CPAMD8: variants seen among roughly 807,000 people sequenced by gnomAD.
The protein encoded by CPAMD8 is C3 and PZP-like alpha-2-macroglobulin domain-containing protein 8.
A neutral mutation model predicts 224.7 loss-of-function variants in CPAMD8; 146 were observed. The ratio of observed to expected loss-of-function variants is 0.65; its 90% CI spans 0.57 to 0.75. CPAMD8 has a LOEUF of 0.75. CPAMD8 is among the 30% of genes least tolerant of loss of function. The pLI is 0.00. For missense variants in CPAMD8, 2,301 were observed against 2,537.5 expected, an observed-to-expected ratio of 0.91 and a Z score of 2.00; for synonymous variants, 966 against 1,044.6, an observed-to-expected ratio of 0.92 and a Z score of 1.45.
chr19:16,947,016 C>T (rs2054124322), intron 21 of CPAMD8, 58 bp downstream of exon 21: 2 of 1,528,394 alleles, frequency 1.3e-6, no homozygotes, highest in Admixed American at 2.0e-5. Context: ...CGGGTCAATG[C>T]CAGGACACTT....
At chr19:17,019,383 A>T (rs888728932) in intron 3 of CPAMD8, among the ~76,000 whole-genome samples, 14 of 152,164 alleles carry the variant, frequency 9.2e-5, no homozygotes, top group Non-Finnish European at 1.9e-4. Flanking sequence ...TCGGCCTCCC[A>T]GAGTGCTAGG....
chr19:17,013,720 A>T (rs2056728302), intron 3 of CPAMD8, among the ~76,000 whole-genome samples: 1 of 151,478 alleles, frequency 6.6e-6, no homozygotes, highest in Non-Finnish European at 1.5e-5. Context: ...CTGGAACTAG[A>T]TGGGGGGGCA....
At position 16,897,786 on chromosome 19, in the gene CPAMD8, C is replaced by T. The variant is rs1421314484; in HGVS notation, c.4970G>A (p.Arg1657His). Residue 1657 changes from arginine to histidine, a missense_variant, in exon 39 of 42, where the codon CGC becomes CAC. Coordinates refer to ENST00000443236, the MANE Select transcript of CPAMD8 (RefSeq NM_015692.5). ...GCTGTGGGTGCTGACGTTGTAGAAG[C>T]GAGTGGCCTCGAAGGCTACGGGACG... Reference protein sequence around the residue: ...DYYEPAFEATRFYNVSTHSPL... With the variant: ...DYYEPAFEATHFYNVSTHSPL... The T allele has an allele frequency of 1.9e-6, 3 of 1,584,588 alleles. No individual in the cohort carries two copies. The highest frequency in any genetic ancestry group is 2.7e-5 in the African/African-American group (2 of 74,346).
intron 30 of CPAMD8, among the ~76,000 whole-genome samples, chr19:16,906,022 C>T (rs1317143315): frequency 1.3e-5 from 2 of 152,132 alleles, no homozygotes; most frequent in Admixed American, 1.3e-4. Flanking sequence ...GGGATGATTT[C>T]CAGGAAGCCT....
chr19:16,968,539 A>T (rs1027375904), intron 18 of CPAMD8, among the ~76,000 whole-genome samples: 2 of 152,226 alleles, frequency 1.3e-5, no homozygotes, highest in African/African-American at 4.8e-5. Flanking sequence ...GCAGTGAGCA[A>T]TACTGGAAAT....
intron 29 of CPAMD8, among the ~76,000 whole-genome samples, chr19:16,909,254 A>AT (rs971488861): frequency 6.6e-5 from 10 of 152,178 alleles, no homozygotes; most frequent in African/African-American, 1.4e-4. Flanking sequence ...TCTTTAAAAA[A>AT]TTTTTTTTGG....
chr19:16,967,981 C>CA (rs1189759144), intron 18 of CPAMD8, among the ~76,000 whole-genome samples: 1 of 85,340 alleles, frequency 1.2e-5, no homozygotes, highest in Non-Finnish European at 2.3e-5. Flanking sequence ...GTTCCAATTA[C>CA]AAAAAAGCAT....
intron 12 of CPAMD8, among the ~76,000 whole-genome samples, chr19:16,991,683 C>T (rs2055955410): frequency 6.6e-6 from 1 of 151,964 alleles, no homozygotes; most frequent in Admixed American, 6.6e-5. Context: ...AGTGAAACCC[C>T]ATCTCTACTA....
At chr19:17,002,450 G>C in intron 8 of CPAMD8, 100 bp from the exon 9 acceptor site, 1 of 740,918 alleles carries the variant, frequency 1.3e-6, no homozygotes. Flanking sequence ...ACAGCACCTG[G>C]CCACCACCGA....
At chr19:16,939,086 G>T (rs2053791504) in intron 22 of CPAMD8, among the ~76,000 whole-genome samples, 1 of 152,126 alleles carries the variant, frequency 6.6e-6, no homozygotes, top group Non-Finnish European at 1.5e-5. Flanking sequence ...GACCTCAAAG[G>T]GTTAACATGG....
chr19:16,920,822 C>T (rs2053143599), intron 27 of CPAMD8, among the ~76,000 whole-genome samples: 1 of 149,340 alleles, frequency 6.7e-6, no homozygotes, highest in Non-Finnish European at 1.5e-5. Context: ...CACCACTGCA[C>T]TCCAGCCTGG....
At position 16,906,960 on chromosome 19, in the gene CPAMD8, A is replaced by G; in HGVS notation, c.4019T>C (p.Ile1340Thr). The G allele has an allele frequency of 6.3e-7, 1 of 1,587,478 alleles. No individual in the cohort carries two copies. The highest frequency in any genetic ancestry group is 1.7e-4 in the Middle Eastern group (1 of 6,026). The change falls in exon 30 of 42, where the codon ATC (isoleucine) becomes ACC (threonine). Residue 1340 changes from isoleucine to threonine, a missense_variant. Coordinates refer to ENST00000443236, the MANE Select transcript of CPAMD8 (RefSeq NM_015692.5). Reference sequence around the variant, plus strand: ...GGGCCAGGGACACCTACCTCGCATGATGGCCAGGCTACGGAGCTTGCGCAG... The same window carrying G: ...GGGCCAGGGACACCTACCTCGCATGGTGGCCAGGCTACGGAGCTTGCGCAG... The part of the protein sequence containing the change: ...EALRKLRSLA[I>T]MRDGVTHWSL...
chr19:16,922,261 G>A lies in CPAMD8; in HGVS notation c.3548-275C>T, dbSNP rs191837641. Among the ~76,000 whole-genome samples, 4 of 151,300 alleles carry A rather than the reference G, an allele frequency of 2.6e-5. No individual in the cohort carries two copies. The East Asian group carries it at 7.9e-4, about 30-fold the overall frequency. ...CTAAAACTGCTCCACACCACATCTG[G>A]GCTCACTGAAACTGCCCTGTGTCAC... On this transcript the variant is annotated intron_variant, in intron 26 of 41. Coordinates refer to ENST00000443236, the MANE Select transcript of CPAMD8 (RefSeq NM_015692.5).
At chr19:16,929,355 C>T (rs563650264) in intron 23 of CPAMD8, 115 bp from the exon 24 acceptor site, 61 of 775,468 alleles carry the variant, frequency 7.9e-5, no homozygotes, top group South Asian at 3.1e-4. Flanking sequence ...CACTGTGACT[C>T]GGCACACATG....
Position 16,939,373 on chromosome 19 carries a change from A to G in CPAMD8, c.2794-927T>C, listed in dbSNP as rs376180049. The stretch of plus-strand genomic sequence containing the variant: ...CAGGCACATGCCACCACGCCAAGCT[A>G]ATTTTTTATATTTTTAGTGGAGATG... On this transcript the variant is annotated intron_variant, in intron 22 of 41. Coordinates refer to ENST00000443236, the MANE Select transcript of CPAMD8 (RefSeq NM_015692.5). Among the ~76,000 whole-genome samples, 129 of 152,004 alleles carry G rather than the reference A, an allele frequency of 8.5e-4. 2 individuals are homozygous for G. The South Asian group carries it at 0.017, about 20-fold the overall frequency.
intron 9 of CPAMD8, among the ~76,000 whole-genome samples, chr19:17,001,034 A>T (rs948518925): frequency 2.0e-5 from 3 of 152,030 alleles, no homozygotes; most frequent in Admixed American, 6.6e-5. Flanking sequence ...AAAATGAGAG[A>T]GTGCAGGCTG....
At chr19:17,017,340 T>C (rs1257319928) in intron 3 of CPAMD8, among the ~76,000 whole-genome samples, 1 of 152,188 alleles carries the variant, frequency 6.6e-6, no homozygotes, top group African/African-American at 2.4e-5. Flanking sequence ...AGTGTAATAA[T>C]AATAGAAATA....
chr19:16,895,855 C>A, intron 41 of CPAMD8: 1 of 518,784 alleles, frequency 1.9e-6, no homozygotes, highest in Non-Finnish European at 3.7e-6. Flanking sequence ...GTCCCCCCAG[C>A]ATTTCGGATA....
At chr19:16,956,076 T>C (rs1219437721) in intron 19 of CPAMD8, among the ~76,000 whole-genome samples, 2 of 152,106 alleles carry the variant, frequency 1.3e-5, no homozygotes, top group East Asian at 3.9e-4. Flanking sequence ...GATTCATCCT[T>C]GCTCCAGCCA....
Sources: gnomAD v4.1 joint callset for allele counts (sites outside exome capture counted in the v4.1 genomes callset) on GRCh38, gnomAD v4.1.1 for gene constraint, MANE v1.5 for transcripts, NCBI Gene and HGNC (gene_info 2026-07-23, HGNC 2026-07-21) for gene names.